PRDM4: variants seen among roughly 807,000 people sequenced by gnomAD.
PRDM4 encodes PR domain zinc finger protein 4.
A neutral mutation model predicts 62.3 loss-of-function variants in PRDM4; 38 were observed. The observed-to-expected ratio is 0.61, with a 90% confidence interval of 0.47 to 0.80. The LOEUF is 0.80. Among genes scored for constraint, PRDM4 ranks in the 30% least tolerant of loss-of-function variants. The probability of loss-of-function intolerance (pLI) is 0.00; values close to 1 mark genes in which losing one functional copy is unlikely to be tolerated. For missense variants in PRDM4, 858 were observed against 997.1 expected, an observed-to-expected ratio of 0.86 and a Z score of 1.88; for synonymous variants, 339 against 348.2, an observed-to-expected ratio of 0.97 and a Z score of 0.30.
chr12:107,746,403 G>A lies in PRDM4; in HGVS notation c.1148C>T (p.Ala383Val). 2 of 1,610,082 alleles carry A rather than the reference G, an allele frequency of 1.2e-6. No individual in the cohort carries two copies. The highest frequency in any genetic ancestry group is 1.7e-6 in the Non-Finnish European group (2 of 1,177,956). ...FTIWCTLCDR[A>V]YPSDCPEHGP... Reference sequence around the variant, plus strand: ...ATGTTCGGGACAGTCCGAGGGATAGGCGCGGTCACACAGAGTACACCCTGT... The same window carrying A: ...ATGTTCGGGACAGTCCGAGGGATAGACGCGGTCACACAGAGTACACCCTGT... Residue 383 changes from alanine (A) to valine (V), a missense_variant, in exon 6 of 12, where the codon GCC becomes GTC. Ala to Val is a moderately conservative substitution (Grantham distance 64, BLOSUM62 0). Coordinates refer to ENST00000228437, the MANE Select transcript of PRDM4 (RefSeq NM_012406.4).
Position 107,754,062 on chromosome 12 carries a change from G to A in PRDM4, c.193C>T (p.Pro65Ser). 6.2e-7 allele frequency: 1 copy of A among 1,613,550 alleles called. No individual in the cohort carries two copies. The highest frequency in any genetic ancestry group is 1.1e-5 in the South Asian group (1 of 91,012). Residue 65 changes from proline (P) to serine (S), a missense_variant, in exon 4 of 12, where the codon CCT (proline) becomes TCT (serine). Physicochemically the swap from Pro to Ser is moderately conservative, Grantham distance 74. Coordinates refer to ENST00000228437, the MANE Select transcript of PRDM4 (RefSeq NM_012406.4). ...PNLGPSLSSL[P>S]SALSLMLPMG... Reference sequence around the variant, plus strand: ...GGTAGCATTAAAGACAGAGCAGAAGGCAGAGAGCTCAGGGAGGGACCCAGG... The same window carrying A: ...GGTAGCATTAAAGACAGAGCAGAAGACAGAGAGCTCAGGGAGGGACCCAGG...
chr12:107,751,796 C>T lies in PRDM4; in HGVS notation c.745G>A (p.Val249Ile), dbSNP rs1390465816. The T allele has an allele frequency of 2.5e-6, 4 of 1,614,114 alleles. No individual in the cohort carries two copies. The highest frequency in any genetic ancestry group is 1.1e-5 in the South Asian group (1 of 91,090). Residue 249 changes from valine (V) to isoleucine (I), a missense_variant, in exon 5 of 12, where the codon GTA (valine) becomes ATA (isoleucine). This residue lies in a region of PRDM4 where 499 missense variants were observed against 546.7 expected (regional missense o/e 0.91). Coordinates refer to ENST00000228437, the MANE Select transcript of PRDM4 (RefSeq NM_012406.4). ...ATGGGTATCACACCACCATGTCCTA[C>T]AGCGTCTGCTGCAAGGTTGTTGCTC... ...SVSNNLAADAVGHGGVIPMHG... is the reference protein window; with the variant it reads ...SVSNNLAADAIGHGGVIPMHG...
At chr12:107,742,421 C>T in intron 8 of PRDM4, 73 bp from the exon 9 acceptor site, 1 of 1,502,282 alleles carries the variant, frequency 6.7e-7, no homozygotes, top group Non-Finnish European at 9.2e-7. Flanking sequence ...TCCCCCATTG[C>T]AAAATCCTAT....
chr12:107,757,583 A>G (rs988228670), intron 2 of PRDM4, among the ~76,000 whole-genome samples: 2 of 152,186 alleles, frequency 1.3e-5, no homozygotes, highest in African/African-American at 4.8e-5. Context: ...TCCTCACACC[A>G]ATACTGCAAC....
At chr12:107,745,666 T>TA (rs1409923827) in intron 6 of PRDM4, among the ~76,000 whole-genome samples, 1 of 152,256 alleles carries the variant, frequency 6.6e-6, no homozygotes, top group Non-Finnish European at 1.5e-5. Context: ...ATCAGACTTC[T>TA]AAAATCTTTT....
In PRDM4 at chr12:107,739,897, G is replaced by A. The variant is rs181630856; in HGVS notation, c.1925-346C>T. On this transcript the variant is annotated intron_variant, in intron 10 of 11. Transcript: ENST00000228437. Reference sequence around the variant, plus strand: ...AAAAAAAAAAAACTCATGAATTCTAGGACGTGTCTATAGGGAAACATACTT... The same window carrying A: ...AAAAAAAAAAAACTCATGAATTCTAAGACGTGTCTATAGGGAAACATACTT... Among the ~76,000 whole-genome samples the A allele has an allele frequency of 2.9e-4, 44 of 149,846 alleles. 1 individual carries two copies. In the East Asian group the frequency reaches 8.0e-3, roughly 27 times the overall value.
Position 107,757,276 on chromosome 12 carries a change from GAC to G in PRDM4, c.12-313_12-312del, listed in dbSNP as rs1187719922. Among the ~76,000 whole-genome samples the G allele has an allele frequency of 2.6e-5, 4 of 152,224 alleles. No individual in the cohort carries two copies. The East Asian group carries it at 7.7e-4, about 29-fold the overall frequency. ...GCAATTCTTAGAGCACAATGGCAAT[GAC>G]AGTTTTTTTTTAAATCACTCAAGCT... On this transcript the variant is annotated intron_variant, in intron 2 of 11. Transcript: ENST00000228437.
chr12:107,744,430 C>A (rs575431259), intron 7 of PRDM4, 113 bp downstream of exon 7: 2 of 1,137,412 alleles, frequency 1.8e-6, no homozygotes, highest in East Asian at 2.5e-5. Flanking sequence ...AATGACTGAC[C>A]AGTGAATGGC....
chr12:107,757,900 T>C (rs1389013041), intron 2 of PRDM4, among the ~76,000 whole-genome samples: 5 of 152,162 alleles, frequency 3.3e-5, no homozygotes, highest in Admixed American at 2.0e-4. Context: ...AAAGTATTAG[T>C]TCTTATATCA....
intron 5 of PRDM4, among the ~76,000 whole-genome samples, chr12:107,748,293 T>C (rs1460715893): frequency 1.3e-5 from 2 of 152,226 alleles, no homozygotes. Context: ...ACAGCCACTT[T>C]GGAAAGCAGT....
chr12:107,740,186 T>C (rs969219969), intron 10 of PRDM4, among the ~76,000 whole-genome samples: 7 of 152,146 alleles, frequency 4.6e-5, no homozygotes, highest in African/African-American at 1.7e-4. Context: ...TTTTGTAGTA[T>C]TTATTAAAAA....
At position 107,754,009 on chromosome 12, in the gene PRDM4, C is replaced by A; in HGVS notation, c.246G>T (p.Met82Ile). 1 of 1,614,026 alleles carries A rather than the reference C, an allele frequency of 6.2e-7. No individual in the cohort carries two copies. The highest frequency in any genetic ancestry group is 8.5e-7 in the Non-Finnish European group (1 of 1,179,910). Residue 82 changes from methionine (M) to isoleucine (I), a missense_variant, in exon 4 of 12, where the codon ATG (methionine) becomes ATT (isoleucine). This residue lies in a region of PRDM4 where 499 missense variants were observed against 546.7 expected (regional missense o/e 0.91). Transcript: ENST00000228437. ...LPMGIGDRGV[M>I]CGLPERNYTL... Reference sequence around the variant, plus strand: ...TGTAGTTTCTTTCAGGTAACCCACACATCACCCCTCGATCCCCAATACCCA... The same window carrying A: ...TGTAGTTTCTTTCAGGTAACCCACAAATCACCCCTCGATCCCCAATACCCA...
intron 3 of PRDM4, chr12:107,754,838 T>C (rs1449078854): frequency 2.6e-5 from 4 of 152,256 alleles, no homozygotes; most frequent in African/African-American, 4.8e-5. Context: ...CCATTTTATA[T>C]GGTGAGAATA....
chr12:107,753,802 G>A (rs1364651168), intron 4 of PRDM4, 122 bp downstream of exon 4: 1 of 907,030 alleles, frequency 1.1e-6, no homozygotes, highest in East Asian at 2.8e-5. Context: ...TACTTTTCCT[G>A]CCTAGAGATT....
intron 11 of PRDM4, 102 bp downstream of exon 11, chr12:107,739,281 C>T (rs1022989651): frequency 5.3e-6 from 7 of 1,331,176 alleles, no homozygotes; most frequent in Admixed American, 4.4e-5. Flanking sequence ...AGGCATGAAA[C>T]AGATGAGCCA....
chr12:107,738,920 G>A (rs1176958753), intron 11 of PRDM4, among the ~76,000 whole-genome samples: 22 of 147,982 alleles, frequency 1.5e-4, no homozygotes, highest in African/African-American at 4.8e-4. Flanking sequence ...CACACCAACA[G>A]AACAGTTCCA....
intron 4 of PRDM4, among the ~76,000 whole-genome samples, chr12:107,753,063 G>A (rs185359535): frequency 3.3e-5 from 5 of 152,310 alleles, no homozygotes; most frequent in Admixed American, 3.3e-4. Flanking sequence ...AGTAAAGACA[G>A]ACAATCGTAT....
At chr12:107,747,020 G>A (rs970543748) in intron 5 of PRDM4, among the ~76,000 whole-genome samples, 8 of 151,858 alleles carry the variant, frequency 5.3e-5, no homozygotes, top group Admixed American at 4.6e-4. Flanking sequence ...GGTAGTTCAC[G>A]CCTGTAAACC....
rs1425234899 is a variant in PRDM4 at position 107,741,239 on chromosome 12, A to G, written c.1631T>C (p.Val544Ala). The G allele has an allele frequency of 3.1e-6, 5 of 1,610,436 alleles. No individual in the cohort carries two copies. The South Asian group carries it at 5.5e-5, about 18-fold the overall frequency. Residue 544 changes from valine to alanine, a missense_variant, in exon 10 of 12, where the codon GTG becomes GCG. Transcript: ENST00000228437. Reference sequence around the variant, plus strand: ...CTCCTTGCCACAGTTACAGAGATGCACATCTGGGTGTTCAGGAACACCTTT... The same window carrying G: ...CTCCTTGCCACAGTTACAGAGATGCGCATCTGGGTGTTCAGGAACACCTTT... Reference protein sequence around the residue: ...QQIGVPEHPDVHLCNCGKECN... With the variant: ...QQIGVPEHPDAHLCNCGKECN...
Sources: gnomAD v4.1 joint callset for allele counts (sites outside exome capture counted in the v4.1 genomes callset) on GRCh38, gnomAD v4.1.1 for gene constraint, gnomAD v4.1.1 regional missense constraint, MANE v1.5 for transcripts, NCBI Gene and HGNC (gene_info 2026-07-23, HGNC 2026-07-21) for gene names.